RBFOX1: variants seen among roughly 807,000 people sequenced by gnomAD.
RBFOX1 encodes RNA binding protein fox-1 homolog 1.
A neutral mutation model predicts 57.7 loss-of-function variants in RBFOX1; 8 were observed. The observed-to-expected ratio is 0.14, with a 90% CI of 0.08 to 0.25. The LOEUF (loss-of-function observed/expected upper bound fraction) is 0.25. Among genes scored for constraint, RBFOX1 ranks in the 10% least tolerant of loss-of-function variants. RBFOX1 has a pLI of 1.00. For missense variants in RBFOX1, 611 were observed against 548.5 expected, an observed-to-expected ratio of 1.11 and a Z score of -1.14; for synonymous variants, 326 against 222.4, an observed-to-expected ratio of 1.47 and a Z score of -4.15.
intron 4 of RBFOX1, among the ~76,000 whole-genome samples, chr16:7,064,860 T>C (rs2055555436): frequency 6.6e-6 from 1 of 152,248 alleles, no homozygotes; most frequent in Non-Finnish European, 1.5e-5. Context: ...ATTGCCCTTT[T>C]GAAATGCAAT....
At chr16:7,335,600 AAAAAAAAAAC>A (rs1231676089) in intron 4 of RBFOX1, among the ~76,000 whole-genome samples, 2 of 64,484 alleles carry the variant, frequency 3.1e-5, no homozygotes, top group African/African-American at 3.4e-4. Flanking sequence ...AAAAAAAAAA[AAAAAAAAAAC>A]CAAGTGATTT....
intron 3 of RBFOX1, among the ~76,000 whole-genome samples, chr16:6,899,950 G>C (rs1439012754): frequency 6.6e-6 from 1 of 152,172 alleles, no homozygotes; most frequent in Non-Finnish European, 1.5e-5. Context: ...AGTCTTAATA[G>C]CTGGGTGGCC....
intron 3 of RBFOX1, among the ~76,000 whole-genome samples, chr16:5,792,867 A>T (rs1336558317): frequency 6.6e-6 from 1 of 152,164 alleles, no homozygotes; most frequent in Non-Finnish European, 1.5e-5. Flanking sequence ...TGAAGATAAG[A>T]AATAGGTTTA....
At chr16:6,357,116 C>G (rs1000421375) in intron 2 of RBFOX1, among the ~76,000 whole-genome samples, 3 of 152,016 alleles carry the variant, frequency 2.0e-5, no homozygotes, top group Non-Finnish European at 1.5e-5. Flanking sequence ...CCCTCCTGCC[C>G]TGCTTGCGGA....
intron 2 of RBFOX1, among the ~76,000 whole-genome samples, chr16:6,538,676 G>A (rs1490143627): frequency 2.6e-5 from 4 of 152,218 alleles, no homozygotes; most frequent in African/African-American, 7.2e-5. Flanking sequence ...GTAGAAAACG[G>A]TTTGGGAGTT....
intron 2 of RBFOX1, among the ~76,000 whole-genome samples, chr16:6,648,272 G>T (rs1180146966): frequency 4.0e-5 from 6 of 151,076 alleles, no homozygotes; most frequent in Non-Finnish European, 7.4e-5. Context: ...AGGTTTCCAG[G>T]CTGGTCTTCA....
At chr16:6,449,179 G>A (rs1413232148) in intron 2 of RBFOX1, among the ~76,000 whole-genome samples, 2 of 152,172 alleles carry the variant, frequency 1.3e-5, no homozygotes, top group African/African-American at 4.8e-5. Flanking sequence ...TTTGGAACAG[G>A]TCAAGTGCTG....
intron 4 of RBFOX1, among the ~76,000 whole-genome samples, chr16:7,151,781 T>A (rs2076160045): frequency 6.6e-6 from 1 of 152,028 alleles, no homozygotes; most frequent in African/African-American, 2.4e-5. Context: ...TGGTAGGAAG[T>A]GACAGATCAT....
At chr16:7,292,011 A>AT (rs2095789238) in intron 4 of RBFOX1, among the ~76,000 whole-genome samples, 1 of 108,256 alleles carries the variant, frequency 9.2e-6, no homozygotes, top group Non-Finnish European at 1.8e-5. Flanking sequence ...TATGTATTAT[A>AT]TATTGTATAT....
At chr16:6,502,145 C>T (rs1189299157) in intron 2 of RBFOX1, among the ~76,000 whole-genome samples, 5 of 152,120 alleles carry the variant, frequency 3.3e-5, no homozygotes, top group Non-Finnish European at 7.3e-5. Context: ...TCCCTTCAGG[C>T]ATTGGCTTTA....
At chr16:7,253,958 T>C (rs1308117618) in intron 4 of RBFOX1, among the ~76,000 whole-genome samples, 1 of 152,184 alleles carries the variant, frequency 6.6e-6, no homozygotes, top group Non-Finnish European at 1.5e-5. Context: ...ACTATTACAG[T>C]GTGAGACAGC....
intron 2 of RBFOX1, among the ~76,000 whole-genome samples, chr16:6,421,629 C>T (rs372042858): frequency 6.6e-6 from 1 of 152,168 alleles, no homozygotes. Flanking sequence ...TGCCTCCTAG[C>T]GTCACCACGA....
rs145894577 is a variant in RBFOX1 at position 6,141,868 on chromosome 16, G to C, written c.-127+121876G>C. On this transcript the variant is annotated intron_variant, in intron 1 of 15. Transcript: ENST00000550418. Reference sequence around the variant, plus strand: ...GAGGTCAGGAGTTCAAGACCAACCTGACCAACATGGTGAAACCCCATCTCT... The same window carrying C: ...GAGGTCAGGAGTTCAAGACCAACCTCACCAACATGGTGAAACCCCATCTCT... Among the ~76,000 whole-genome samples the C allele has an allele frequency of 4.9e-3, 739 of 151,966 alleles. 4 individuals carry two copies. Among genetic ancestry groups the C allele is most frequent in the Non-Finnish European group, 5.0e-3 (340 of 67,982 alleles).
intron 4 of RBFOX1, among the ~76,000 whole-genome samples, chr16:5,999,550 A>C (rs2060550807): frequency 6.6e-6 from 1 of 152,212 alleles, no homozygotes; most frequent in African/African-American, 2.4e-5. Context: ...AGAGTGAAGG[A>C]AGAAGGGTTG....
At chr16:7,535,688 C>A (rs1812677639) in intron 5 of RBFOX1, among the ~76,000 whole-genome samples, 1 of 152,182 alleles carries the variant, frequency 6.6e-6, no homozygotes, top group Non-Finnish European at 1.5e-5. Context: ...AGTTTGGCAT[C>A]CCAAAATACT....
At chr16:6,582,935 C>T (rs371607368) in intron 2 of RBFOX1, among the ~76,000 whole-genome samples, 17 of 151,840 alleles carry the variant, frequency 1.1e-4, no homozygotes, top group African/African-American at 3.9e-4. Flanking sequence ...CTCCCCTCCC[C>T]TCCCCTCCTC....
intron 4 of RBFOX1, among the ~76,000 whole-genome samples, chr16:7,339,360 C>G (rs1164573897): frequency 6.6e-6 from 1 of 152,154 alleles, no homozygotes; most frequent in African/African-American, 2.4e-5. Flanking sequence ...AGTTGATATT[C>G]TAACACATGG....
chr16:6,400,432 G>C (rs117599616), intron 2 of RBFOX1, among the ~76,000 whole-genome samples: 1 of 152,080 alleles, frequency 6.6e-6, no homozygotes, highest in Non-Finnish European at 1.5e-5. Flanking sequence ...TATGGGATCC[G>C]GCTAAAAAAC....
At chr16:5,766,057 C>T (rs1012327657) in intron 3 of RBFOX1, among the ~76,000 whole-genome samples, 1 of 152,176 alleles carries the variant, frequency 6.6e-6, no homozygotes. Context: ...CGTCATGGAG[C>T]AGCCAATAGC....
Sources: allele counts gnomAD v4.1 joint callset (sites outside exome capture counted in the v4.1 genomes callset), GRCh38; gene constraint gnomAD v4.1.1; transcripts MANE v1.5; gene names NCBI Gene and HGNC (gene_info 2026-07-23, HGNC 2026-07-21).